The following NRXN1 variants were observed in gnomAD, a reference collection of about 807,000 sequenced individuals.
NRXN1 encodes neurexin 1.
NRXN1 carries 39 observed loss-of-function variants against 150.9 expected under a neutral mutation model. That is an observed-to-expected ratio of 0.26 (90% confidence interval 0.20 to 0.34). The LOEUF (loss-of-function observed/expected upper bound fraction) is 0.34. Ranked by LOEUF, NRXN1 falls within the 10% of genes least tolerant of loss-of-function variation. The pLI, the probability that NRXN1 is intolerant of heterozygous loss-of-function variation, is 1.00. For synonymous variants in NRXN1, 924 were observed against 757.0 expected, an observed-to-expected ratio of 1.22 and a Z score of -3.62; for missense variants, 1,815 against 1,949.9, an observed-to-expected ratio of 0.93 and a Z score of 1.30.
intron 5 of NRXN1, among the ~76,000 whole-genome samples, chr2:50,755,044 G>A (rs537086411): frequency 2.0e-5 from 3 of 151,812 alleles, no homozygotes; most frequent in East Asian, 3.9e-4. Flanking sequence ...AATCAACTTA[G>A]ACTCAGATTA....
At chr2:50,158,140 G>T (rs577813746) in intron 18 of NRXN1, among the ~76,000 whole-genome samples, 3 of 149,152 alleles carry the variant, frequency 2.0e-5, no homozygotes, top group Non-Finnish European at 4.5e-5. Flanking sequence ...AGGAATTAAA[G>T]GGTCACAAGA....
chr2:50,554,467 C>T (rs1270751076), intron 8 of NRXN1: 1 of 152,134 alleles, frequency 6.6e-6, no homozygotes, highest in Non-Finnish European at 1.5e-5. Context: ...ACTGGGAAAT[C>T]TCTGTAAGCC....
At chr2:50,697,133 T>C (rs1574141139) in intron 5 of NRXN1, among the ~76,000 whole-genome samples, 1 of 152,226 alleles carries the variant, frequency 6.6e-6, no homozygotes, top group Admixed American at 6.5e-5. Context: ...AAGGGGCAGA[T>C]GGGAAGTGAA....
chr2:50,091,097 T>C lies in NRXN1; in HGVS notation c.3718+226A>G, dbSNP rs1218157426. On this transcript the variant is annotated intron_variant, in intron 19 of 22. Coordinates refer to ENST00000401669, the MANE Select transcript of NRXN1 (RefSeq NM_001330078.2). ...TTTCTGATTTCATTGATGTCCTGAATTTTGAAAACGATAATGTACACCTTC... is the reference window on the plus strand; with the variant it reads ...TTTCTGATTTCATTGATGTCCTGAACTTTGAAAACGATAATGTACACCTTC... Among the ~76,000 whole-genome samples the C allele has an allele frequency of 3.3e-5, 5 of 152,222 alleles. 1 individual carries two copies. In the South Asian group the frequency reaches 1.0e-3, roughly 32 times the overall value.
intron 5 of NRXN1, among the ~76,000 whole-genome samples, chr2:50,736,265 C>T (rs1377369724): frequency 6.6e-6 from 1 of 152,144 alleles, no homozygotes; most frequent in African/African-American, 2.4e-5. Context: ...CACCCCATTC[C>T]TCTTTCTGAA....
intron 18 of NRXN1, among the ~76,000 whole-genome samples, chr2:50,116,144 T>C (rs1460276268): frequency 6.7e-6 from 1 of 150,292 alleles, no homozygotes; most frequent in African/African-American, 2.4e-5. Context: ...CTTGCACCTA[T>C]AGCCGGAGTT....
At chr2:49,927,570 C>T (rs999985913) in intron 22 of NRXN1, among the ~76,000 whole-genome samples, 5 of 152,184 alleles carry the variant, frequency 3.3e-5, no homozygotes, top group African/African-American at 1.2e-4. Context: ...AAGGAGATTT[C>T]CCTTTGCAAT....
intron 5 of NRXN1, among the ~76,000 whole-genome samples, chr2:50,671,884 C>T (rs1688904489): frequency 6.6e-6 from 1 of 151,530 alleles, no homozygotes; most frequent in Non-Finnish European, 1.5e-5. Context: ...AGGGACAAAC[C>T]CAAAAAGAAA....
intron 5 of NRXN1, among the ~76,000 whole-genome samples, chr2:50,832,894 G>C (rs540424855): frequency 6.6e-6 from 1 of 152,264 alleles, no homozygotes. Flanking sequence ...GATAGACTGA[G>C]AGGAAAATAT....
chr2:50,120,219 T>C (rs935874934), intron 18 of NRXN1, among the ~76,000 whole-genome samples: 1 of 152,120 alleles, frequency 6.6e-6, no homozygotes, highest in Admixed American at 6.6e-5. Flanking sequence ...AAAATATCAA[T>C]ATAAAATTAA....
chr2:50,328,388 T>C (rs1167318240), intron 17 of NRXN1, among the ~76,000 whole-genome samples: 1 of 152,092 alleles, frequency 6.6e-6, no homozygotes, highest in Non-Finnish European at 1.5e-5. Context: ...AATGACTTAA[T>C]AACATTTAAT....
At chr2:50,200,337 T>A (rs1450422593) in intron 18 of NRXN1, among the ~76,000 whole-genome samples, 1 of 152,184 alleles carries the variant, frequency 6.6e-6, no homozygotes, top group African/African-American at 2.4e-5. Flanking sequence ...ATCTACTGTC[T>A]GGAGTCATAA....
chr2:49,964,446 G>T (rs191845657), intron 21 of NRXN1, among the ~76,000 whole-genome samples: 2 of 151,788 alleles, frequency 1.3e-5, no homozygotes, highest in East Asian at 3.9e-4. Flanking sequence ...CGGGTGTGGT[G>T]GCGCACACCT....
At chr2:50,272,880 C>A (rs950095212) in intron 17 of NRXN1, among the ~76,000 whole-genome samples, 1 of 151,666 alleles carries the variant, frequency 6.6e-6, no homozygotes, top group Non-Finnish European at 1.5e-5. Context: ...TAAAAAGAAA[C>A]CCTTAATGAA....
intron 5 of NRXN1, among the ~76,000 whole-genome samples, chr2:50,889,823 A>C (rs1315421235): frequency 2.0e-5 from 3 of 151,704 alleles, no homozygotes. Flanking sequence ...ACTGCATACA[A>C]TATATAACCA....
chr2:49,991,553 A>G (rs563851274), intron 21 of NRXN1, among the ~76,000 whole-genome samples: 29 of 152,330 alleles, frequency 1.9e-4, no homozygotes, highest in African/African-American at 5.5e-4. Flanking sequence ...GTTTTCTTCT[A>G]TATAAGGAGA....
At chr2:50,639,192 T>C (rs1473637229) in intron 5 of NRXN1, among the ~76,000 whole-genome samples, 1 of 148,834 alleles carries the variant, frequency 6.7e-6, no homozygotes, top group Admixed American at 6.9e-5. Flanking sequence ...CTTTTATGCA[T>C]TTATCATTTT....
chr2:50,376,819 A>G (rs2080535987), intron 17 of NRXN1, among the ~76,000 whole-genome samples: 1 of 152,136 alleles, frequency 6.6e-6, no homozygotes, highest in South Asian at 2.1e-4. Context: ...CTTAACAACC[A>G]TTCCAATCCC....
At chr2:51,001,316 G>C (rs1355837424) in intron 2 of NRXN1, among the ~76,000 whole-genome samples, 1 of 151,224 alleles carries the variant, frequency 6.6e-6, no homozygotes, top group East Asian at 2.0e-4. Flanking sequence ...TATTAAGCAA[G>C]AGTTCAAAAG....
Sources: gnomAD v4.1 joint callset for allele counts (sites outside exome capture counted in the v4.1 genomes callset) on GRCh38, gnomAD v4.1.1 for gene constraint, MANE v1.5 for transcripts, NCBI Gene and HGNC (gene_info 2026-07-23, HGNC 2026-07-21) for gene names.